C2CD2: variants seen among roughly 807,000 people sequenced by gnomAD.
C2CD2 encodes the protein C2 domain-containing protein 2.
In C2CD2, 43 loss-of-function variants were observed where a neutral mutation model predicts 74.3. The ratio of observed to expected loss-of-function variants is 0.58; its 90% CI spans 0.45 to 0.75. C2CD2 has a LOEUF of 0.75. Ranked by LOEUF, C2CD2 falls within the 30% of genes least tolerant of loss-of-function variation. C2CD2 has a pLI of 0.00. For missense variants in C2CD2, 801 were observed against 916.3 expected (o/e 0.87, Z 1.63); for synonymous variants, 422 against 390.7 (o/e 1.08, Z -0.94).
chr21:41,894,703 A>G (rs2064800475), intron 13 of C2CD2: 1 of 456,766 alleles, frequency 2.2e-6, no homozygotes, highest in East Asian at 6.9e-5. Flanking sequence ...GATTCCAGCC[A>G]TGCGGACAGA....
At chr21:41,894,687 G>C (rs1409297867) in intron 13 of C2CD2, 1 of 456,756 alleles carries the variant, frequency 2.2e-6, no homozygotes, top group Non-Finnish European at 4.4e-6. Context: ...GGGGGCAGGG[G>C]AGGAGGATTC....
At chr21:41,911,388 C>CTTT (rs58934224) in intron 7 of C2CD2, among the ~76,000 whole-genome samples, 8 of 116,746 alleles carry the variant, frequency 6.9e-5, no homozygotes, top group Admixed American at 8.8e-5. Context: ...TATCTCGATT[C>CTTT]TTTTTTTTTT....
At chr21:41,933,461 C>G (rs7279188) in intron 2 of C2CD2, among the ~76,000 whole-genome samples, 129,723 of 152,166 alleles carry the variant, frequency 0.85, 56,210 homozygotes, top group African/African-American at 0.9. Context: ...AGAGGCCTTG[C>G]TGTCTTATCA....
chr21:41,949,690 CAT>C (rs1444454148), intron 1 of C2CD2, among the ~76,000 whole-genome samples: 6 of 152,322 alleles, frequency 3.9e-5, no homozygotes, highest in African/African-American at 1.2e-4. Flanking sequence ...CACATGCACA[CAT>C]GTTTATTGCA....
chr21:41,938,184 T>A (rs192027452), intron 2 of C2CD2, among the ~76,000 whole-genome samples: 54 of 151,932 alleles, frequency 3.6e-4, no homozygotes, highest in African/African-American at 1.2e-3. Context: ...TATATATATA[T>A]AAACATCATG....
At chr21:41,934,654 T>C (rs1480334093) in intron 2 of C2CD2, among the ~76,000 whole-genome samples, 2 of 152,210 alleles carry the variant, frequency 1.3e-5, no homozygotes, top group Admixed American at 6.5e-5. Context: ...GGAGAAAATA[T>C]TGAGCCCCGC....
rs747668317 is a variant in C2CD2, at chr21:41,903,286, G to A, written c.1433-1537C>T. 2.0e-5 allele frequency among the ~76,000 whole-genome samples: 3 copies of A among 152,174 alleles called. No homozygotes were observed. The highest frequency in any genetic ancestry group is 6.5e-5 in the Admixed American group (1 of 15,286). ...GCCATTATAGCAAATTACGGAACCC[G>A]AGGAGTGTGTCATGGAAACCCCAAT... On this transcript the variant is annotated intron_variant, in intron 11 of 13. Coordinates refer to ENST00000380486, the MANE Select transcript of C2CD2 (RefSeq NM_015500.2). The surrounding 1 kb of genome is among the most constrained non-coding windows in gnomAD (Gnocchi z 4.5).
chr21:41,942,923 T>C, intron 1 of C2CD2: 1 of 979,886 alleles, frequency 1.0e-6, no homozygotes, highest in Non-Finnish European at 1.2e-6. Flanking sequence ...AAGGTTCACC[T>C]GTGCCCGTGG....
chr21:41,921,166 T>C (rs765130142), intron 3 of C2CD2, among the ~76,000 whole-genome samples: 3 of 152,212 alleles, frequency 2.0e-5, no homozygotes, highest in Admixed American at 1.3e-4. Context: ...CCTTCCCTTG[T>C]GATTGGGAAT....
intron 3 of C2CD2, among the ~76,000 whole-genome samples, chr21:41,920,856 T>C (rs552172662): frequency 2.4e-4 from 37 of 152,394 alleles, no homozygotes; most frequent in Admixed American, 2.4e-3. Context: ...TGATCCTCTC[T>C]GGTCTCATTC....
At chr21:41,900,797 A>T (rs2064885889) in intron 12 of C2CD2, among the ~76,000 whole-genome samples, 1 of 152,136 alleles carries the variant, frequency 6.6e-6, no homozygotes, top group African/African-American at 2.4e-5. Context: ...TCATTTGGAA[A>T]TGTCAAAAAA....
intron 13 of C2CD2, among the ~76,000 whole-genome samples, chr21:41,896,623 CAGG>C (rs1460658222): frequency 1.4e-5 from 2 of 144,106 alleles, no homozygotes; most frequent in East Asian, 4.1e-4. Flanking sequence ...AGCAGAACCT[CAGG>C]AGGATTCGAA....
chr21:41,918,994 T>C (rs891855237), intron 3 of C2CD2, 34 bp from the exon 4 acceptor site: 4 of 1,504,334 alleles, frequency 2.7e-6, no homozygotes, highest in African/African-American at 1.4e-5. Context: ...GGGCCACTCT[T>C]TCCACCAAAG....
chr21:41,899,003 G>A lies in C2CD2; in HGVS notation c.1870+50C>T. 7.8e-6 allele frequency: 11 copies of A among 1,418,130 alleles called. No homozygotes were observed. The highest frequency in any genetic ancestry group is 2.3e-4 in the Middle Eastern group (1 of 4,368). The allele number at this position is 1,418,130 out of a possible 1,614,324, so 87.8% of individuals were successfully genotyped here. A position where few individuals can be genotyped will look rare whatever the true frequency, so the allele number is the denominator to read the frequency against. ...CTTCAGCTTGGAAGCCAGCATGAGC[G>A]CAAAGCCACCAAGTGGGGGGCCCGG... On this transcript the variant is annotated intron_variant, in intron 13 of 13. Transcript: ENST00000380486. The surrounding 1 kb of genome is among the most constrained non-coding windows in gnomAD (Gnocchi z 4.4).
At chr21:41,900,334 C>G (rs1286333221) in intron 12 of C2CD2, among the ~76,000 whole-genome samples, 1 of 152,200 alleles carries the variant, frequency 6.6e-6, no homozygotes, top group Non-Finnish European at 1.5e-5. Flanking sequence ...AAAATAATCA[C>G]TGCGGTGAAT....
At position 41,899,505 on chromosome 21, in the gene C2CD2, C is replaced by CT; in HGVS notation, c.1561-144dup. On this transcript the variant is annotated intron_variant, in intron 12 of 13. Coordinates refer to ENST00000380486, the MANE Select transcript of C2CD2 (RefSeq NM_015500.2). The surrounding 1 kb of genome is among the most constrained non-coding windows in gnomAD (Gnocchi z 4.4). Reference sequence around the variant, plus strand: ...GCAGCCGTGGGCCTCATAGAAGGCGCTTATACATCACGGCCGTTGCTCATG... The same window carrying CT: ...GCAGCCGTGGGCCTCATAGAAGGCGCTTTATACATCACGGCCGTTGCTCATG... The CT allele has an allele frequency of 1.3e-6, 1 of 762,298 alleles. No individual in the cohort carries two copies. Among genetic ancestry groups the CT allele is most frequent in the Non-Finnish European group, 2.1e-6 (1 of 479,674 alleles). The allele number at this position is 762,298 out of a possible 1,614,324, so 47.2% of individuals were successfully genotyped here.
chr21:41,946,676 T>C (rs961393368), intron 1 of C2CD2, among the ~76,000 whole-genome samples: 3 of 152,140 alleles, frequency 2.0e-5, no homozygotes, highest in Admixed American at 6.5e-5. Context: ...AAGGGACTAA[T>C]ACAGGAGGAG....
Position 41,924,156 on chromosome 21 carries a change from C to T in C2CD2, c.379-2071G>A, listed in dbSNP as rs766318569. Reference sequence around the variant, plus strand: ...AATGGAAAGATTATCAAAATAATTACTCAGTCAGGGCCTGCTATTCCCCCA... The same window carrying T: ...AATGGAAAGATTATCAAAATAATTATTCAGTCAGGGCCTGCTATTCCCCCA... On this transcript the variant is annotated intron_variant, in intron 2 of 13. Coordinates refer to ENST00000380486, the MANE Select transcript of C2CD2 (RefSeq NM_015500.2). This position sits in a 1 kb window ranked among gnomAD's most constrained non-coding sequence, Gnocchi z 4.4. 6.6e-6 allele frequency among the ~76,000 whole-genome samples: 1 copy of T among 152,208 alleles called. No individual in the cohort carries two copies. The highest frequency in any genetic ancestry group is 1.5e-5 in the Non-Finnish European group (1 of 68,034).
chr21:41,907,727 G>A lies in C2CD2; in HGVS notation c.1076C>T (p.Pro359Leu), dbSNP rs1282126956. The A allele has an allele frequency of 4.3e-6, 7 of 1,613,480 alleles. No individual in the cohort carries two copies. Among genetic ancestry groups the A allele is most frequent in the Non-Finnish European group, 5.1e-6 (6 of 1,179,846 alleles). Reference sequence around the variant, plus strand: ...CCCGCTGGTCAGCGTGAAGCTCTGTGGCCCAGAAGGCTGCTTCTTAAATAA... The same window carrying A: ...CCCGCTGGTCAGCGTGAAGCTCTGTAGCCCAGAAGGCTGCTTCTTAAATAA... ...LDLFKKQPSG[P>L]QSFTLTSGSA... is the part of the protein sequence containing the mutation. Residue 359 changes from proline to leucine, a missense_variant, in exon 9 of 14, where the codon CCA becomes CTA. Transcript: ENST00000380486.
Sources: allele counts gnomAD v4.1 joint callset (sites outside exome capture counted in the v4.1 genomes callset), GRCh38; gene constraint gnomAD v4.1.1; non-coding constraint Gnocchi (gnomAD v3.1); transcripts MANE v1.5; gene names NCBI Gene and HGNC (gene_info 2026-07-23, HGNC 2026-07-21).